The following SHOC2 variants were observed in gnomAD, a reference collection of about 807,000 sequenced individuals.
SHOC2 encodes leucine-rich repeat protein SHOC-2.
Under a neutral mutation model 50.2 loss-of-function variants are expected in SHOC2, and 4 were observed. That is an observed-to-expected ratio of 0.08 (90% CI 0.04 to 0.18). The LOEUF (loss-of-function observed/expected upper bound fraction) is 0.18, where lower values mean the gene tolerates loss of function less well. SHOC2 is among the 10% of genes least tolerant of loss of function. The probability of loss-of-function intolerance (pLI) is 1.00; values close to 1 mark genes in which losing one functional copy is unlikely to be tolerated. For synonymous variants in SHOC2, 218 were observed against 244.5 expected, an observed-to-expected ratio of 0.89 and a Z score of 1.01; for missense variants, 388 against 669.6, an observed-to-expected ratio of 0.58 and a Z score of 4.64.
intron 1 of SHOC2, among the ~76,000 whole-genome samples, chr10:110,925,391 T>G (rs796892388): frequency 1.1e-4 from 17 of 152,230 alleles, no homozygotes; most frequent in African/African-American, 3.9e-4. Context: ...TCACGCAGTA[T>G]TTTTTGGGTT....
chr10:110,972,713 C>T (rs1228330251), intron 2 of SHOC2, among the ~76,000 whole-genome samples: 2 of 152,054 alleles, frequency 1.3e-5, no homozygotes, highest in African/African-American at 4.8e-5. Context: ...GGCACACACC[C>T]ACAGTCCCAG....
intron 2 of SHOC2, among the ~76,000 whole-genome samples, chr10:110,981,870 A>T (rs866835495): frequency 0.41 from 2,224 of 5,422 alleles, 45 homozygotes; most frequent in South Asian, 0.48. Context: ...TTATTTATTT[A>T]TTTTTTTAAG....
chr10:110,960,029 C>T (rs1847541742), intron 1 of SHOC2, among the ~76,000 whole-genome samples: 1 of 152,184 alleles, frequency 6.6e-6, no homozygotes, highest in Admixed American at 6.5e-5. Flanking sequence ...ATTTGAATAA[C>T]CAGCGTTTCC....
At chr10:110,958,883 C>T (rs1347123395) in intron 1 of SHOC2, among the ~76,000 whole-genome samples, 1 of 152,064 alleles carries the variant, frequency 6.6e-6, no homozygotes, top group African/African-American at 2.4e-5. Context: ...TTTCCTAGTA[C>T]CTTTGTAGTT....
chr10:110,965,253 T>TA (rs1317078071), intron 2 of SHOC2, among the ~76,000 whole-genome samples, 192 bp downstream of exon 2: 1 of 152,166 alleles, frequency 6.6e-6, no homozygotes, highest in East Asian at 1.9e-4. Flanking sequence ...TTCATAGACT[T>TA]AAAAAGTGAG....
intron 1 of SHOC2, among the ~76,000 whole-genome samples, chr10:110,925,619 G>A (rs1379824629): frequency 6.6e-6 from 1 of 152,074 alleles, no homozygotes; most frequent in Admixed American, 6.6e-5. Flanking sequence ...ACCATGCCTG[G>A]CTAATTTTTC....
intron 5 of SHOC2, 78 bp downstream of exon 5, chr10:111,004,872 G>A: frequency 1.0e-6 from 1 of 989,696 alleles, no homozygotes; most frequent in Non-Finnish European, 1.6e-6. Context: ...TTCTCTAATT[G>A]TGTGGGGAGT....
chr10:110,973,866 A>G (rs554656521), intron 2 of SHOC2, among the ~76,000 whole-genome samples: 1 of 149,018 alleles, frequency 6.7e-6, no homozygotes, highest in Non-Finnish European at 1.5e-5. Context: ...TTAATGTTCC[A>G]TATATATATA....
At chr10:110,955,083 T>C (rs1227365088) in intron 1 of SHOC2, among the ~76,000 whole-genome samples, 1 of 152,196 alleles carries the variant, frequency 6.6e-6, no homozygotes, top group Non-Finnish European at 1.5e-5. Context: ...TTGTGCTGCA[T>C]ACGGCGGTTA....
intron 8 of SHOC2, 143 bp from the exon 9 acceptor site, chr10:111,011,467 G>A: frequency 1.5e-6 from 1 of 653,034 alleles, no homozygotes; most frequent in South Asian, 1.9e-5. Flanking sequence ...GAGATCCATG[G>A]TTGTAGAGTT....
At chr10:110,982,173 A>G (rs1255403510) in intron 2 of SHOC2, among the ~76,000 whole-genome samples, 1 of 148,324 alleles carries the variant, frequency 6.7e-6, no homozygotes, top group Non-Finnish European at 1.5e-5. Context: ...TGTCCCTACA[A>G]AGGACATGAA....
At chr10:111,007,405 A>T (rs1848490208) in intron 5 of SHOC2, 126 bp from the exon 6 acceptor site, 5 of 1,078,558 alleles carry the variant, frequency 4.6e-6, no homozygotes, top group Admixed American at 4.5e-5. Flanking sequence ...TTTTCTTTCT[A>T]TATTTAAATA....
At chr10:110,995,745 T>C (rs1471115968) in intron 3 of SHOC2, among the ~76,000 whole-genome samples, 1 of 152,178 alleles carries the variant, frequency 6.6e-6, no homozygotes, top group African/African-American at 2.4e-5. Flanking sequence ...ACCACCATAC[T>C]CATTTTTTTC....
chr10:111,004,871 T>A, intron 5 of SHOC2, 77 bp downstream of exon 5: 1 of 1,032,490 alleles, frequency 9.7e-7, no homozygotes, highest in Non-Finnish European at 1.5e-6. Flanking sequence ...TTTCTCTAAT[T>A]GTGTGGGGAG....
chr10:111,006,645 C>T (rs1848473651), intron 5 of SHOC2, among the ~76,000 whole-genome samples: 2 of 152,234 alleles, frequency 1.3e-5, no homozygotes, highest in Non-Finnish European at 2.9e-5. Context: ...GCTGGGATTA[C>T]AGGCGTGAGC....
chr10:110,992,511 G>A (rs537384258), intron 3 of SHOC2, among the ~76,000 whole-genome samples: 62 of 152,190 alleles, frequency 4.1e-4, no homozygotes, highest in Non-Finnish European at 7.5e-4. Context: ...GAAACAGTCC[G>A]AAGTAGGAAA....
At chr10:110,960,832 C>T (rs1373530579) in intron 1 of SHOC2, among the ~76,000 whole-genome samples, 1 of 152,070 alleles carries the variant, frequency 6.6e-6, no homozygotes, top group Non-Finnish European at 1.5e-5. Flanking sequence ...CCCGCCACCA[C>T]GCCCGGCTAA....
rs539552844 is a variant in SHOC2 at position 110,940,910 on chromosome 10, G to GTTTTTTTTTT, written c.-235+21282_-235+21291dup. Among the ~76,000 whole-genome samples the GTTTTTTTTTT allele has an allele frequency of 5.9e-4, 71 of 119,460 alleles. 1 individual carries two copies. Among genetic ancestry groups the GTTTTTTTTTT allele is most frequent in the Middle Eastern group, 4.4e-3 (1 of 226 alleles). 78.4% of individuals were successfully genotyped at this position (119,460 alleles called of 152,430 possible). On this transcript the variant is annotated intron_variant, in intron 1 of 8. Transcript: ENST00000369452. ...GACAAAATAGTGGTATTTGTGGTGGGTTTTTTTTTTTTTTTTTTTTTTTTT... is the reference window on the plus strand; with the variant it reads ...GACAAAATAGTGGTATTTGTGGTGGGTTTTTTTTTTTTTTTTTTTTTTTTTTTTTTTTTTT...
intron 2 of SHOC2, among the ~76,000 whole-genome samples, chr10:110,973,115 A>G (rs1847813639): frequency 6.6e-6 from 1 of 152,234 alleles, no homozygotes; most frequent in South Asian, 2.1e-4. Flanking sequence ...ATGTTCTGGT[A>G]TAAATTCTGA....
Sources: allele counts gnomAD v4.1 joint callset (sites outside exome capture counted in the v4.1 genomes callset), GRCh38; gene constraint gnomAD v4.1.1; transcripts MANE v1.5; gene names NCBI Gene and HGNC (gene_info 2026-07-23, HGNC 2026-07-21).